TAFA4: variants seen among roughly 807,000 people sequenced by gnomAD.
The protein encoded by TAFA4 is chemokine-like protein TAFA-4.
Under a neutral mutation model 21.1 loss-of-function variants are expected in TAFA4, and 20 were observed. The ratio of observed to expected loss-of-function variants is 0.95; its 90% CI spans 0.67 to 1.38. TAFA4 has a LOEUF of 1.38. Among genes scored for constraint, TAFA4 ranks in the 40% most tolerant of loss-of-function variants. TAFA4 has a pLI of 0.00. For synonymous variants in TAFA4, 71 were observed against 67.4 expected (o/e 1.05, Z -0.26); for missense variants, 211 against 180.9 (o/e 1.17, Z -0.95).
chr3:68,754,484 A>G (rs1702621382), intron 3 of TAFA4, among the ~76,000 whole-genome samples: 2 of 152,264 alleles, frequency 1.3e-5, no homozygotes, highest in South Asian at 4.1e-4. Flanking sequence ...CAAGCAATGC[A>G]TTTTTAGCAG....
At chr3:68,929,932 G>C (rs2090143904) in intron 1 of TAFA4, among the ~76,000 whole-genome samples, 2 of 152,202 alleles carry the variant, frequency 1.3e-5, no homozygotes, top group South Asian at 4.1e-4. Flanking sequence ...TCAGATCAAG[G>C]ATTGGCTGCT....
At chr3:68,930,998 AGAGGGG>A (rs1405684606) in intron 1 of TAFA4, among the ~76,000 whole-genome samples, 1 of 152,192 alleles carries the variant, frequency 6.6e-6, no homozygotes, top group African/African-American at 2.4e-5. Context: ...CGAGTGTTCT[AGAGGGG>A]GCCAAACGAA....
intron 1 of TAFA4, among the ~76,000 whole-genome samples, chr3:68,894,695 G>T (rs1377321641): frequency 6.6e-6 from 1 of 152,178 alleles, no homozygotes; most frequent in Non-Finnish European, 1.5e-5. Flanking sequence ...GTGTGTTTTA[G>T]CATAATGAAA....
intron 3 of TAFA4, among the ~76,000 whole-genome samples, chr3:68,857,313 T>C (rs144392717): frequency 6.8e-4 from 103 of 152,292 alleles, no homozygotes; most frequent in African/African-American, 2.4e-3. Context: ...GGGACTATCA[T>C]GGCCTGCTGA....
intron 1 of TAFA4, among the ~76,000 whole-genome samples, chr3:68,905,896 C>T (rs890781899): frequency 2.0e-5 from 3 of 152,190 alleles, no homozygotes; most frequent in Non-Finnish European, 4.4e-5. Context: ...GCTTTTGTTG[C>T]TTTCTTTGTT....
intron 1 of TAFA4, among the ~76,000 whole-genome samples, chr3:68,909,155 G>A (rs2089931312): frequency 1.3e-5 from 2 of 152,174 alleles, no homozygotes; most frequent in African/African-American, 4.8e-5. Context: ...AATGGTGGAA[G>A]TAACTCAAAG....
At chr3:68,914,216 G>A (rs1171901910) in intron 1 of TAFA4, among the ~76,000 whole-genome samples, 1 of 152,194 alleles carries the variant, frequency 6.6e-6, no homozygotes, top group Non-Finnish European at 1.5e-5. Context: ...ACAGGTAACA[G>A]CAGACATAGA....
intron 1 of TAFA4, among the ~76,000 whole-genome samples, chr3:68,918,679 A>C (rs946218522): frequency 6.6e-6 from 1 of 152,128 alleles, no homozygotes; most frequent in South Asian, 2.1e-4. Context: ...CTGGCACTAC[A>C]TGCATGCATC....
chr3:68,894,749 C>A lies in TAFA4; in HGVS notation c.-122-9439G>T, dbSNP rs190221804. 3.1e-3 allele frequency among the ~76,000 whole-genome samples: 478 copies of A among 152,270 alleles called. 3 individuals are homozygous for A. Among genetic ancestry groups the A allele is most frequent in the African/African-American group, 0.011 (456 of 41,544 alleles). ...TGAAAAAGGGTAAGATCACTGGGGA[C>A]TGCTGTAATCCAGGAAAACTTCCTG... is the stretch of plus-strand genomic sequence containing the variant. On this transcript the variant is annotated intron_variant, in intron 1 of 5. Coordinates refer to ENST00000295569, the MANE Select transcript of TAFA4 (RefSeq NM_182522.5).
chr3:68,838,774 C>A (rs539573488), intron 3 of TAFA4, among the ~76,000 whole-genome samples: 13 of 151,910 alleles, frequency 8.6e-5, no homozygotes, highest in African/African-American at 3.1e-4. Flanking sequence ...TTCAGGGTGA[C>A]AGGGACACAG....
intron 3 of TAFA4, among the ~76,000 whole-genome samples, chr3:68,868,338 C>T (rs149136557): frequency 9.9e-5 from 15 of 151,926 alleles, no homozygotes; most frequent in Non-Finnish European, 2.1e-4. Context: ...ATATAATGTA[C>T]AGATCATCCA....
chr3:68,802,656 C>A (rs970604476), intron 3 of TAFA4, among the ~76,000 whole-genome samples: 5 of 152,118 alleles, frequency 3.3e-5, no homozygotes, highest in African/African-American at 7.2e-5. Flanking sequence ...AAGTACTCTG[C>A]TTTGAAGAGC....
At chr3:68,795,457 C>A (rs912119558) in intron 3 of TAFA4, among the ~76,000 whole-genome samples, 15 of 152,116 alleles carry the variant, frequency 9.9e-5, no homozygotes, top group African/African-American at 3.6e-4. Context: ...TTACCCCTAG[C>A]CACAACCACT....
At chr3:68,738,816 T>A (rs1234052374) in intron 5 of TAFA4, among the ~76,000 whole-genome samples, 1 of 152,210 alleles carries the variant, frequency 6.6e-6, no homozygotes, top group Non-Finnish European at 1.5e-5. Context: ...TAAATCGGGC[T>A]TGTGAAGAAG....
chr3:68,911,233 T>C lies in TAFA4; in HGVS notation c.-123+21007A>G, dbSNP rs112452225. On this transcript the variant is annotated intron_variant, in intron 1 of 5. Coordinates refer to ENST00000295569, the MANE Select transcript of TAFA4 (RefSeq NM_182522.5). Reference sequence around the variant, plus strand: ...TCCTCCATGATCCATTTTTTTCCTATAAAAGACTGCATTTGGAGACTTAAC... The same window carrying C: ...TCCTCCATGATCCATTTTTTTCCTACAAAAGACTGCATTTGGAGACTTAAC... Among the ~76,000 whole-genome samples the C allele has an allele frequency of 5.1e-3, 783 of 152,322 alleles. 10 individuals are homozygous for C. The highest frequency in any genetic ancestry group is 0.017 in the African/African-American group (721 of 41,554).
At chr3:68,880,709 T>A in intron 3 of TAFA4, 21 bp downstream of exon 3, 1 of 1,603,850 alleles carries the variant, frequency 6.2e-7, no homozygotes, top group East Asian at 2.2e-5. Context: ...CAGCAGTGCA[T>A]AATGAGCTTA....
intron 3 of TAFA4, among the ~76,000 whole-genome samples, chr3:68,844,350 G>A (rs1012387511): frequency 1.3e-5 from 2 of 151,968 alleles, no homozygotes; most frequent in Middle Eastern, 3.2e-3. Context: ...ATTTCTGTGG[G>A]ATCAGTGGTG....
intron 1 of TAFA4, among the ~76,000 whole-genome samples, chr3:68,888,778 C>T (rs1368580998): frequency 7.2e-5 from 11 of 151,842 alleles, no homozygotes; most frequent in Admixed American, 6.6e-5. Context: ...TAACAATCCA[C>T]TCTCACAATA....
intron 3 of TAFA4, among the ~76,000 whole-genome samples, chr3:68,792,637 A>G (rs1295935877): frequency 1.3e-5 from 2 of 152,214 alleles, no homozygotes; most frequent in African/African-American, 4.8e-5. Context: ...AGATTGATTT[A>G]TTCTATCTCT....
Sources: gnomAD v4.1 joint callset for allele counts (sites outside exome capture counted in the v4.1 genomes callset) on GRCh38, gnomAD v4.1.1 for gene constraint, MANE v1.5 for transcripts, NCBI Gene and HGNC (gene_info 2026-07-23, HGNC 2026-07-21) for gene names.